The following COBL variants were observed in gnomAD, a reference collection of about 807,000 sequenced individuals.
COBL encodes the protein protein cordon-bleu.
A neutral mutation model predicts 98.8 loss-of-function variants in COBL; 51 were observed. The observed-to-expected ratio is 0.52, with a 90% confidence interval of 0.41 to 0.65. The LOEUF (loss-of-function observed/expected upper bound fraction) is 0.65. COBL is among the 30% of genes least tolerant of loss of function. The probability of loss-of-function intolerance (pLI) is 0.00; values close to 1 mark genes in which losing one functional copy is unlikely to be tolerated. For synonymous variants in COBL, 634 were observed against 651.7 expected, an observed-to-expected ratio of 0.97 and a Z score of 0.41; for missense variants, 1,617 against 1,617.5, an observed-to-expected ratio of 1.00 and a Z score of 0.01.
intron 7 of COBL, among the ~76,000 whole-genome samples, chr7:51,045,076 G>A (rs1789561299): frequency 6.6e-6 from 1 of 152,198 alleles, no homozygotes; most frequent in Non-Finnish European, 1.5e-5. Flanking sequence ...AGCTTTTGGG[G>A]CTAGACTCTT....
chr7:51,047,761 C>G (rs1235261683), intron 7 of COBL, among the ~76,000 whole-genome samples: 1 of 152,212 alleles, frequency 6.6e-6, no homozygotes, highest in African/African-American at 2.4e-5. Flanking sequence ...TGCACTTCAT[C>G]TTAACCTGTG....
intron 7 of COBL, among the ~76,000 whole-genome samples, chr7:51,049,897 G>A (rs1228724158): frequency 6.6e-6 from 1 of 152,312 alleles, no homozygotes; most frequent in East Asian, 1.9e-4. Context: ...TCTGCTCTGA[G>A]TAGGCACCTC....
intron 12 of COBL, chr7:51,021,270 T>C (rs992915504): frequency 6.6e-6 from 1 of 152,258 alleles, no homozygotes; most frequent in Non-Finnish European, 1.5e-5. Context: ...CCTGAATTTA[T>C]TGTATTTTCC....
chr7:51,101,245 T>C (rs960258110), intron 6 of COBL, among the ~76,000 whole-genome samples: 1 of 152,238 alleles, frequency 6.6e-6, no homozygotes, highest in Non-Finnish European at 1.5e-5. Flanking sequence ...CAAGGTCTAA[T>C]GGGAGTTTGT....
intron 1 of COBL, among the ~76,000 whole-genome samples, chr7:51,301,423 G>A (rs369628237): frequency 1.3e-5 from 2 of 152,148 alleles, no homozygotes; most frequent in African/African-American, 2.4e-5. Flanking sequence ...ACCTCAGCGC[G>A]GAACTCACAA....
intron 6 of COBL, among the ~76,000 whole-genome samples, chr7:51,125,662 G>A (rs1470469930): frequency 6.6e-6 from 1 of 152,142 alleles, no homozygotes; most frequent in African/African-American, 2.4e-5. Context: ...GGGGATTTGG[G>A]AAGGATTAAA....
chr7:51,304,346 C>T (rs1016008349), intron 1 of COBL, among the ~76,000 whole-genome samples: 8 of 152,244 alleles, frequency 5.3e-5, no homozygotes, highest in African/African-American at 1.9e-4. Flanking sequence ...CAGTCCCCAA[C>T]CCACCCTGTC....
At chr7:51,037,327 G>A (rs1183935471) in intron 8 of COBL, among the ~76,000 whole-genome samples, 2 of 152,204 alleles carry the variant, frequency 1.3e-5, no homozygotes, top group African/African-American at 4.8e-5. Flanking sequence ...AGGAGGTAGT[G>A]CATATCTCAA....
At chr7:51,247,318 A>C (rs1328976078) in intron 1 of COBL, among the ~76,000 whole-genome samples, 1 of 152,150 alleles carries the variant, frequency 6.6e-6, no homozygotes, top group Non-Finnish European at 1.5e-5. Flanking sequence ...TGTTACCCAC[A>C]GCCAGTGGAA....
At chr7:51,269,459 A>G (rs1215366097) in intron 1 of COBL, among the ~76,000 whole-genome samples, 1 of 152,150 alleles carries the variant, frequency 6.6e-6, no homozygotes, top group Non-Finnish European at 1.5e-5. Context: ...CTGCCACGCA[A>G]TGTCCCTCAC....
At chr7:51,068,346 A>G (rs1337667218) in intron 7 of COBL, among the ~76,000 whole-genome samples, 1 of 152,238 alleles carries the variant, frequency 6.6e-6, no homozygotes, top group Non-Finnish European at 1.5e-5. Context: ...TTCTCCTCAG[A>G]TCAAATACTC....
intron 1 of COBL, among the ~76,000 whole-genome samples, chr7:51,242,329 C>T (rs1309797438): frequency 6.6e-6 from 1 of 152,188 alleles, no homozygotes; most frequent in African/African-American, 2.4e-5. Context: ...GGCTCTTGAG[C>T]TGCTTGCTCG....
At chr7:51,247,874 C>T (rs1584300303) in intron 1 of COBL, among the ~76,000 whole-genome samples, 1 of 152,166 alleles carries the variant, frequency 6.6e-6, no homozygotes, top group African/African-American at 2.4e-5. Flanking sequence ...TCTGTAATTC[C>T]AGCACTGTAA....
chr7:51,095,672 T>C (rs1795207391), intron 6 of COBL, among the ~76,000 whole-genome samples: 1 of 152,016 alleles, frequency 6.6e-6, no homozygotes, highest in Non-Finnish European at 1.5e-5. Flanking sequence ...AGGACATAAA[T>C]AGGCTGGAAG....
chr7:51,218,089 G>A (rs1465938708), intron 2 of COBL, among the ~76,000 whole-genome samples: 1 of 152,226 alleles, frequency 6.6e-6, no homozygotes, highest in Non-Finnish European at 1.5e-5. Context: ...AGAGCAGGCT[G>A]GCCTCACCTG....
At chr7:51,081,803 G>T (rs1793690404) in intron 7 of COBL, among the ~76,000 whole-genome samples, 1 of 152,138 alleles carries the variant, frequency 6.6e-6, no homozygotes, top group Non-Finnish European at 1.5e-5. Flanking sequence ...AGCGGCCACA[G>T]GAGAGAGCAC....
In COBL at chr7:51,219,956, C is replaced by T. The variant is rs372934729; in HGVS notation, c.42-12G>A. 58 of 1,607,354 alleles carry T rather than the reference C, an allele frequency of 3.6e-5. No homozygotes were observed. The highest frequency in any genetic ancestry group is 4.8e-5 in the Non-Finnish European group (56 of 1,177,888). On this transcript the variant is annotated splice_polypyrimidine_tract_variant and intron_variant, in intron 1 of 12. Coordinates refer to ENST00000265136, the MANE Select transcript of COBL (RefSeq NM_015198.5). Reference sequence around the variant, plus strand: ...CCTTCATCTTCCTCCTTAAAAACAACAACACAAAGGCACAGAGTCAGTGGC... The same window carrying T: ...CCTTCATCTTCCTCCTTAAAAACAATAACACAAAGGCACAGAGTCAGTGGC...
rs186079590 is a variant in COBL at position 51,282,812 on chromosome 7, C to T, written c.41+33781G>A. On this transcript the variant is annotated intron_variant, in intron 1 of 12. Transcript: ENST00000265136. ...CTCCTGGGACATAAAACAAACCTTA[C>T]CAAATATAAAAAAAAAAAATTACAA... Among the ~76,000 whole-genome samples, 1,069 of 151,628 alleles carry T rather than the reference C, an allele frequency of 7.1e-3. 7 individuals are homozygous for T. The highest frequency in any genetic ancestry group is 0.012 in the Non-Finnish European group (797 of 67,880).
At chr7:51,165,899 A>G (rs961169718) in intron 5 of COBL, among the ~76,000 whole-genome samples, 3 of 152,046 alleles carry the variant, frequency 2.0e-5, no homozygotes, top group African/African-American at 7.2e-5. Flanking sequence ...AAGGAAATTA[A>G]AAACCTTCTT....
Sources: gnomAD v4.1 joint callset for allele counts (sites outside exome capture counted in the v4.1 genomes callset) on GRCh38, gnomAD v4.1.1 for gene constraint, MANE v1.5 for transcripts, NCBI Gene and HGNC (gene_info 2026-07-23, HGNC 2026-07-21) for gene names.